Variants in LRRC3B observed in about 807,000 individuals in gnomAD.
LRRC3B encodes the protein leucine-rich repeat-containing protein 3B.
Under a neutral mutation model 12.8 loss-of-function variants are expected in LRRC3B, and 2 were observed. The ratio of observed to expected loss-of-function variants is 0.16; its 90% CI spans 0.06 to 0.49. The LOEUF is 0.49. Among genes scored for constraint, LRRC3B ranks in the 20% least tolerant of loss-of-function variants. The probability of loss-of-function intolerance (pLI) is 0.96; values close to 1 mark genes in which losing one functional copy is unlikely to be tolerated. For missense variants in LRRC3B, 189 were observed against 319.4 expected, an observed-to-expected ratio of 0.59 and a Z score of 3.11; for synonymous variants, 132 against 122.0, an observed-to-expected ratio of 1.08 and a Z score of -0.54.
chr3:26,645,207 C>A (rs545074539), intron 1 of LRRC3B, among the ~76,000 whole-genome samples: 1 of 152,174 alleles, frequency 6.6e-6, no homozygotes, highest in African/African-American at 2.4e-5. Context: ...AGAGATAAAT[C>A]TTTGTCATGT....
chr3:26,693,402 A>G (rs909327883), intron 1 of LRRC3B, among the ~76,000 whole-genome samples: 4 of 152,026 alleles, frequency 2.6e-5, no homozygotes, highest in Admixed American at 2.6e-4. Flanking sequence ...TAGGATCAGA[A>G]CTGGCATAGT....
Position 26,688,813 on chromosome 3 carries a change from C to T in LRRC3B, c.-160-20700C>T. Among the ~76,000 whole-genome samples, 2 of 152,198 alleles carry T rather than the reference C, an allele frequency of 1.3e-5. 1 individual carries two copies. The highest frequency in any genetic ancestry group is 2.9e-5 in the Non-Finnish European group (2 of 68,040). ...GGGGACACAGATCCAGATCATATCA[C>T]CATCTCACCCCCATAATCCCTGGCT... On this transcript the variant is annotated intron_variant, in intron 1 of 1. Coordinates refer to ENST00000396641, the Ensembl canonical transcript of LRRC3B.
chr3:26,696,846 T>G (rs1451945141), intron 1 of LRRC3B, among the ~76,000 whole-genome samples: 1 of 152,212 alleles, frequency 6.6e-6, no homozygotes, highest in African/African-American at 2.4e-5. Context: ...GCATCATCAG[T>G]GAAATCTTAA....
At chr3:26,683,492 T>C (rs925465703) in intron 1 of LRRC3B, among the ~76,000 whole-genome samples, 2 of 152,028 alleles carry the variant, frequency 1.3e-5, no homozygotes, top group East Asian at 1.9e-4. Context: ...ATGCTATGAG[T>C]TGGATCCCCA....
At chr3:26,633,842 A>G (rs1251942811) in intron 1 of LRRC3B, among the ~76,000 whole-genome samples, 1 of 152,170 alleles carries the variant, frequency 6.6e-6, no homozygotes. Flanking sequence ...GTTTCCTTTT[A>G]GTCCTTTTTT....
chr3:26,691,710 G>A (rs974132112), intron 1 of LRRC3B, among the ~76,000 whole-genome samples: 1 of 152,206 alleles, frequency 6.6e-6, no homozygotes, highest in African/African-American at 2.4e-5. Context: ...TGAAATGGGG[G>A]AGAGCACTCT....
chr3:26,661,148 G>GCA (rs1190580525), intron 1 of LRRC3B, among the ~76,000 whole-genome samples: 1 of 152,112 alleles, frequency 6.6e-6, no homozygotes, highest in East Asian at 1.9e-4. Context: ...CCTAACACTT[G>GCA]CACACACACA....
chr3:26,658,637 T>G (rs1280817816), intron 1 of LRRC3B, among the ~76,000 whole-genome samples: 1 of 152,228 alleles, frequency 6.6e-6, no homozygotes, highest in Non-Finnish European at 1.5e-5. Context: ...GATGATGTGC[T>G]CTCTTTGACA....
chr3:26,635,491 C>CCT lies in LRRC3B; in HGVS notation c.-161+12267_-161+12268dup, dbSNP rs371746291. 2.5e-3 allele frequency among the ~76,000 whole-genome samples: 382 copies of CCT among 150,640 alleles called. 1 individual carries two copies. The highest frequency in any genetic ancestry group is 7.4e-3 in the African/African-American group (307 of 41,340). On this transcript the variant is annotated intron_variant, in intron 1 of 1. Transcript: ENST00000396641. ...AGAAAAGACAACAGAAAGCATGCTT[C>CCT]CTCTCTCTCTCTCTGCCTGCACACA...
chr3:26,657,749 G>T (rs6790835), intron 1 of LRRC3B, among the ~76,000 whole-genome samples: 5,321 of 151,986 alleles, frequency 0.035, 342 homozygotes, highest in African/African-American at 0.12. Context: ...AGCTGCATTT[G>T]ACAGAGGGAT....
At chr3:26,650,014 G>A (rs1305117981) in intron 1 of LRRC3B, among the ~76,000 whole-genome samples, 2 of 152,094 alleles carry the variant, frequency 1.3e-5, no homozygotes, top group African/African-American at 2.4e-5. Context: ...GACCACCTGT[G>A]ATGAAAATAA....
chr3:26,648,789 T>G (rs943589094), intron 1 of LRRC3B, among the ~76,000 whole-genome samples: 4 of 152,222 alleles, frequency 2.6e-5, no homozygotes, highest in African/African-American at 9.7e-5. Context: ...TTTGAGTGCT[T>G]TGAAGAATGG....
chr3:26,709,206 A>G (rs1432254637), intron 1 of LRRC3B, among the ~76,000 whole-genome samples: 1 of 152,204 alleles, frequency 6.6e-6, no homozygotes, highest in Non-Finnish European at 1.5e-5. Flanking sequence ...TTTCTGTAGA[A>G]TTCGAAGGGG....
At chr3:26,667,979 A>G (rs1699643507) in intron 1 of LRRC3B, among the ~76,000 whole-genome samples, 1 of 151,698 alleles carries the variant, frequency 6.6e-6, no homozygotes. Context: ...TCAGTATTGA[A>G]TTTTTTACTC....
At chr3:26,648,667 C>G (rs552716461) in intron 1 of LRRC3B, among the ~76,000 whole-genome samples, 1 of 152,272 alleles carries the variant, frequency 6.6e-6, no homozygotes, top group South Asian at 2.1e-4. Context: ...TGTTTGACTC[C>G]TAAGAGGACC....
At chr3:26,705,832 C>CCTAGCTAGTAATA (rs1700572936) in intron 1 of LRRC3B, among the ~76,000 whole-genome samples, 1 of 152,132 alleles carries the variant, frequency 6.6e-6, no homozygotes, top group Non-Finnish European at 1.5e-5. Context: ...CCACTGTTGA[C>CCTAGCTAGTAATA]CTAGCTAGTA....
At chr3:26,631,363 G>A (rs1390125235) in intron 1 of LRRC3B, among the ~76,000 whole-genome samples, 1 of 152,188 alleles carries the variant, frequency 6.6e-6, no homozygotes, top group Non-Finnish European at 1.5e-5. Flanking sequence ...AAGTAGACTT[G>A]CCAAAATAGT....
chr3:26,710,006 G>C (rs1700710078), exon 2 of LRRC3B: 1 of 1,613,976 alleles, frequency 6.2e-7, no homozygotes, highest in Admixed American at 1.7e-5. Context: ...CAAAGGAGTA[G>C]CTGAAACCTT....
chr3:26,653,302 C>A (rs2125416354), intron 1 of LRRC3B, among the ~76,000 whole-genome samples: 1 of 152,258 alleles, frequency 6.6e-6, no homozygotes, highest in East Asian at 1.9e-4. Flanking sequence ...TTGTGTTAGT[C>A]AGAGCCTGTA....
Sources: gnomAD v4.1 joint callset for allele counts (sites outside exome capture counted in the v4.1 genomes callset) on GRCh38, gnomAD v4.1.1 for gene constraint, MANE v1.5 for transcripts, NCBI Gene and HGNC (gene_info 2026-07-23, HGNC 2026-07-21) for gene names.